SKP2: variants seen among roughly 807,000 people sequenced by gnomAD.
SKP2 encodes the protein S-phase kinase-associated protein 2.
A neutral mutation model predicts 51.8 loss-of-function variants in SKP2; 16 were observed. That is an observed-to-expected ratio of 0.31 (90% CI 0.21 to 0.47). SKP2 has a LOEUF of 0.47. SKP2 is among the 20% of genes least tolerant of loss of function. The probability of loss-of-function intolerance (pLI) is 1.00; values close to 1 mark genes in which losing one functional copy is unlikely to be tolerated. For synonymous variants in SKP2, 176 were observed against 198.6 expected, an observed-to-expected ratio of 0.89 and a Z score of 0.96; for missense variants, 377 against 505.3, an observed-to-expected ratio of 0.75 and a Z score of 2.43.
At chr5:36,163,622 A>G (rs1331649833) in intron 2 of SKP2, 23 bp from the exon 3 acceptor site, 2 of 1,462,996 alleles carry the variant, frequency 1.4e-6, no homozygotes, top group Non-Finnish European at 1.9e-6. Context: ...TGGTGATGGC[A>G]AACACTTGTT....
chr5:36,187,231 C>G (rs190826358), downstream of SKP2, among the ~76,000 whole-genome samples: 54 of 152,136 alleles, frequency 3.5e-4, no homozygotes, highest in Admixed American at 3.3e-4. Context: ...GTGTGTCTGT[C>G]TCCTTCAATT....
Position 36,182,415 on chromosome 5 carries a change from A to G in SKP2, c.*384A>G, listed in dbSNP as rs1292042081. On this transcript the variant is annotated 3_prime_UTR_variant, in exon 10 of 10. Coordinates refer to ENST00000274255, the MANE Select transcript of SKP2 (RefSeq NM_005983.4). ...TTCATAGCCCATATAACTTTTATCTATTTAATTTTATAGTATTGCTTTATA... is the reference window on the plus strand; with the variant it reads ...TTCATAGCCCATATAACTTTTATCTGTTTAATTTTATAGTATTGCTTTATA... 1 of 1,003,206 alleles carries G rather than the reference A, an allele frequency of 1.0e-6. No individual in the cohort carries two copies. The highest frequency in any genetic ancestry group is 4.3e-5 in the South Asian group (1 of 23,130). The allele number at this position is 1,003,206 out of a possible 1,614,324, so 62.1% of individuals were successfully genotyped here. A position where few individuals can be genotyped will look rare whatever the true frequency, so the allele number is the denominator to read the frequency against.
chr5:36,175,196 G>A (rs979252078), intron 7 of SKP2, among the ~76,000 whole-genome samples: 1 of 152,080 alleles, frequency 6.6e-6, no homozygotes, highest in Non-Finnish European at 1.5e-5. Context: ...CACAATGAAC[G>A]TGGGATGTGA....
chr5:36,172,724 A>G (rs1745513014), intron 7 of SKP2, among the ~76,000 whole-genome samples: 1 of 152,196 alleles, frequency 6.6e-6, no homozygotes, highest in Non-Finnish European at 1.5e-5. Flanking sequence ...AAGATGTATA[A>G]AGCTATAGAA....
chr5:36,166,724 G>GA, intron 4 of SKP2, 62 bp downstream of exon 4: 8 of 1,011,980 alleles, frequency 7.9e-6, no homozygotes, highest in African/African-American at 1.8e-5. Context: ...ACAGATCAAA[G>GA]CTTTTTTTTT....
chr5:36,170,876 C>T (rs1347722402), intron 6 of SKP2, among the ~76,000 whole-genome samples: 3 of 152,238 alleles, frequency 2.0e-5, no homozygotes, highest in Non-Finnish European at 2.9e-5. Flanking sequence ...AATGTCAGCA[C>T]ATAAAGGGTA....
intron 6 of SKP2, 36 bp downstream of exon 6, chr5:36,170,478 T>A: frequency 8.1e-7 from 1 of 1,241,294 alleles, no homozygotes; most frequent in East Asian, 2.4e-5. Context: ...TAGACTCTTA[T>A]GTCAAACGTA....
In SKP2 at chr5:36,181,965, C is replaced by G. The variant is rs1455744165; in HGVS notation, c.1209C>G (p.Asn403Lys). The G allele has an allele frequency of 6.2e-7, 1 of 1,614,090 alleles. No homozygotes were observed. Among genetic ancestry groups the G allele is most frequent in the Non-Finnish European group, 8.5e-7 (1 of 1,179,980 alleles). Residue 403 changes from asparagine (N) to lysine (K), a missense_variant, in exon 10 of 10, where the codon AAC (asparagine) becomes AAG (lysine). By Grantham distance (94) the Asn-to-Lys change is moderately conservative. Transcript: ENST00000274255. The stretch of plus-strand genomic sequence containing the variant: ...CCATTGCCAGGCCAACTATTGGCAA[C>G]AAAAAGAACCAGGAGATATGGGGCA... ...FTTIARPTIGNKKNQEIWGIK... is the reference protein window; with the variant it reads ...FTTIARPTIGKKKNQEIWGIK...
At chr5:36,163,174 C>A (rs1307666723) in intron 2 of SKP2, among the ~76,000 whole-genome samples, 1 of 152,126 alleles carries the variant, frequency 6.6e-6, no homozygotes, top group Non-Finnish European at 1.5e-5. Context: ...ACTACTGAGT[C>A]CACATCAGAG....
chr5:36,186,066 G>A (rs547385723), downstream of SKP2, among the ~76,000 whole-genome samples: 71 of 152,224 alleles, frequency 4.7e-4, no homozygotes, highest in South Asian at 0.014. Flanking sequence ...TCTGTTATTG[G>A]TGTATAAGAA....
chr5:36,174,057 G>A (rs1328497752), intron 7 of SKP2, among the ~76,000 whole-genome samples: 4 of 152,068 alleles, frequency 2.6e-5, no homozygotes, highest in Non-Finnish European at 5.9e-5. Context: ...TTGCCACATG[G>A]TAAGAGTTCA....
At chr5:36,170,464 A>C (rs770105550) in intron 6 of SKP2, 22 bp downstream of exon 6, 16 of 1,361,922 alleles carry the variant, frequency 1.2e-5, no homozygotes, top group Non-Finnish European at 1.7e-5. Flanking sequence ...GTGAGACTTG[A>C]TTATAGACTC....
At chr5:36,161,771 C>T (rs542160862) in intron 2 of SKP2, among the ~76,000 whole-genome samples, 1 of 152,238 alleles carries the variant, frequency 6.6e-6, no homozygotes, top group Admixed American at 6.5e-5. Flanking sequence ...CCCACTTATA[C>T]AGGGCCTGGT....
chr5:36,180,223 A>G (rs759353922), intron 9 of SKP2: 1 of 1,321,824 alleles, frequency 7.6e-7, no homozygotes, highest in Non-Finnish European at 1.0e-6. Context: ...CAGAATTCTC[A>G]TAGTAATTAC....
chr5:36,157,044 T>G (rs937619622), intron 2 of SKP2, among the ~76,000 whole-genome samples: 1 of 152,216 alleles, frequency 6.6e-6, no homozygotes, highest in South Asian at 2.1e-4. Context: ...CTGTTCTAGT[T>G]CATTCTTTAT....
chr5:36,181,533 A>G (rs543580776), intron 9 of SKP2, among the ~76,000 whole-genome samples: 16 of 152,326 alleles, frequency 1.1e-4, no homozygotes, highest in African/African-American at 3.8e-4. Flanking sequence ...CAACTGGAGA[A>G]AGGAAGCAAA....
chr5:36,168,360 T>A lies in SKP2; in HGVS notation c.584T>A (p.Val195Glu). ...GACCTATCGAACTCAGTTATAGAAG[T>A]GTCCACCCTCCACGGCATACTGTCT... ...HMDLSNSVIE[V>E]STLHGILSQC... Residue 195 changes from valine to glutamate, a missense_variant, in exon 5 of 10, where the codon GTG (valine) becomes GAG (glutamate). By Grantham distance (121) the Val-to-Glu change is moderately radical. Coordinates refer to ENST00000274255, the MANE Select transcript of SKP2 (RefSeq NM_005983.4). The A allele has an allele frequency of 1.2e-6, 2 of 1,614,100 alleles. No homozygotes were observed. Among genetic ancestry groups the A allele is most frequent in the Non-Finnish European group, 1.7e-6 (2 of 1,179,940 alleles).
chr5:36,190,588 G>A (rs561906976), intron 6 of SKP2, among the ~76,000 whole-genome samples: 136 of 146,802 alleles, frequency 9.3e-4, no homozygotes, highest in Non-Finnish European at 1.3e-3. Flanking sequence ...CCTTCCATTC[G>A]AATGGTAGAA....
At position 36,177,019 on chromosome 5, in the gene SKP2, A is replaced by G; in HGVS notation, c.953+3A>G. 6.4e-7 allele frequency: 1 copy of G among 1,574,696 alleles called. No individual in the cohort carries two copies. The highest frequency in any genetic ancestry group is 8.7e-7 in the Non-Finnish European group (1 of 1,150,906). ...AATCTTGTCCATCTAGACTTAAGGT[A>G]TTTTTTTATTTGTTTATTTTAGATC... On this transcript the variant is annotated splice_donor_region_variant and intron_variant, in intron 8 of 9. Coordinates refer to ENST00000274255, the MANE Select transcript of SKP2 (RefSeq NM_005983.4).
Sources: gnomAD v4.1 joint callset for allele counts (sites outside exome capture counted in the v4.1 genomes callset) on GRCh38, gnomAD v4.1.1 for gene constraint, MANE v1.5 for transcripts, NCBI Gene and HGNC (gene_info 2026-07-23, HGNC 2026-07-21) for gene names.